The following AGBL1 variants were observed in gnomAD, a reference collection of about 807,000 sequenced individuals.
AGBL1 encodes AGBL carboxypeptidase 1, also known as cytosolic carboxypeptidase 4.
AGBL1 carries 130 observed loss-of-function variants against 118.9 expected under a neutral mutation model. That is an observed-to-expected ratio of 1.09 (90% CI 0.95 to 1.26). AGBL1 has a LOEUF of 1.26. Among genes scored for constraint, AGBL1 ranks in the 50% most tolerant of loss-of-function variants. AGBL1 has a pLI of 0.00. For synonymous variants in AGBL1, 555 were observed against 478.9 expected (o/e 1.16, Z -2.08); for missense variants, 1,584 against 1,298.1 (o/e 1.22, Z -3.38).
At chr15:86,589,047 C>T (rs977399879) in intron 21 of AGBL1, among the ~76,000 whole-genome samples, 21 of 151,742 alleles carry the variant, frequency 1.4e-4, no homozygotes, top group African/African-American at 5.1e-4. Flanking sequence ...ACACTGTGTG[C>T]ATGGACACAG....
chr15:86,810,258 G>A (rs16978013), intron 22 of AGBL1, among the ~76,000 whole-genome samples: 7,559 of 152,200 alleles, frequency 0.05, 631 homozygotes, highest in African/African-American at 0.17. Context: ...TGGGGGTTTG[G>A]CTCAAAGCTA....
At chr15:86,279,862 C>G (rs1251424928) in intron 16 of AGBL1, 79 bp downstream of exon 16, 2 of 1,532,658 alleles carry the variant, frequency 1.3e-6, no homozygotes, top group Non-Finnish European at 1.8e-6. Context: ...TTTGGAGACC[C>G]TGACATCCTG....
intron 21 of AGBL1, among the ~76,000 whole-genome samples, chr15:86,592,969 C>T (rs2084358290): frequency 6.6e-6 from 1 of 152,146 alleles, no homozygotes; most frequent in Admixed American, 6.5e-5. Context: ...TTTCTAACTT[C>T]ATCGTTACTT....
chr15:86,906,350 C>T (rs1185335672), intron 22 of AGBL1, among the ~76,000 whole-genome samples: 1 of 152,238 alleles, frequency 6.6e-6, no homozygotes, highest in East Asian at 1.9e-4. Flanking sequence ...CTGCCCCCTT[C>T]TATCGCTTGC....
At chr15:86,510,450 A>G (rs555765555) in intron 18 of AGBL1, among the ~76,000 whole-genome samples, 86 of 152,254 alleles carry the variant, frequency 5.6e-4, no homozygotes, top group Middle Eastern at 6.8e-3. Context: ...AGGAAAATAA[A>G]TATGGGGTCT....
rs150104785 is a variant in AGBL1, at chr15:86,175,928, T to C, written c.488+16902T>C. Among the ~76,000 whole-genome samples, 8 of 152,350 alleles carry C rather than the reference T, an allele frequency of 5.3e-5. No individual in the cohort carries two copies. In the East Asian group the frequency reaches 1.5e-3, roughly 29 times the overall value. ...AACATATGGTCTGTCCTGGGGAATGTTCCATGTGCTGATGAGAGGAATGTG... is the reference window on the plus strand; with the variant it reads ...AACATATGGTCTGTCCTGGGGAATGCTCCATGTGCTGATGAGAGGAATGTG... On this transcript the variant is annotated intron_variant, in intron 5 of 22. Transcript: ENST00000614907.
At chr15:86,825,703 G>GGGAGAAAGCGAGAGAGGGA (rs2079001194) in intron 22 of AGBL1, among the ~76,000 whole-genome samples, 1 of 145,356 alleles carries the variant, frequency 6.9e-6, no homozygotes, top group African/African-American at 2.6e-5. Flanking sequence ...GAGGGAGGGA[G>GGGAGAAAGCGAGAGAGGGA]GGAGAAAGCG....
At chr15:86,840,548 C>A (rs529626002) in intron 22 of AGBL1, among the ~76,000 whole-genome samples, 1 of 152,140 alleles carries the variant, frequency 6.6e-6, no homozygotes, top group Non-Finnish European at 1.5e-5. Context: ...GTGGTTCAAG[C>A]GATTTCTCCT....
chr15:86,924,909 A>C (rs912031325), intron 23 of AGBL1, among the ~76,000 whole-genome samples: 2 of 151,866 alleles, frequency 1.3e-5, no homozygotes, highest in Admixed American at 1.3e-4. Flanking sequence ...CCCCGTCTCT[A>C]CTAAAAATAC....
chr15:86,303,913 T>C (rs781357699), intron 17 of AGBL1, among the ~76,000 whole-genome samples: 2 of 152,154 alleles, frequency 1.3e-5, no homozygotes, highest in African/African-American at 2.4e-5. Context: ...GTTTAGATGA[T>C]GAAATTGAGA....
At chr15:86,876,164 C>T (rs542147060) in intron 22 of AGBL1, among the ~76,000 whole-genome samples, 1 of 152,246 alleles carries the variant, frequency 6.6e-6, no homozygotes, top group Non-Finnish European at 1.5e-5. Context: ...TAGCTGCCAT[C>T]CTGTATACCA....
At chr15:86,256,552 C>T (rs190041655) in intron 7 of AGBL1, among the ~76,000 whole-genome samples, 146 of 152,280 alleles carry the variant, frequency 9.6e-4, no homozygotes, top group African/African-American at 3.4e-3. Context: ...TTGCCTTAGG[C>T]GCAGCATCCC....
At chr15:87,030,719 T>C (rs1193534037), downstream of AGBL1, among the ~76,000 whole-genome samples, 1 of 152,052 alleles carries the variant, frequency 6.6e-6, no homozygotes, top group Non-Finnish European at 1.5e-5. Flanking sequence ...CTAACTATAT[T>C]GAGCACATTT....
Position 86,258,042 on chromosome 15 carries a change from C to A in AGBL1, c.969+11C>A, listed in dbSNP as rs2078925030. ...GATGGGAAAGTGGAAGTAGGTACACCAGCCCATGCTTCTAATGATGTCCAT... is the reference window on the plus strand; with the variant it reads ...GATGGGAAAGTGGAAGTAGGTACACAAGCCCATGCTTCTAATGATGTCCAT... On this transcript the variant is annotated intron_variant, in intron 9 of 22. Transcript: ENST00000614907. 6.2e-7 allele frequency: 1 copy of A among 1,612,080 alleles called. No homozygotes were observed. Among genetic ancestry groups the A allele is most frequent in the Admixed American group, 1.7e-5 (1 of 59,690 alleles).
chr15:86,976,264 T>G (rs2081175959), intron 23 of AGBL1, among the ~76,000 whole-genome samples: 1 of 150,940 alleles, frequency 6.6e-6, no homozygotes, highest in Admixed American at 6.6e-5. Flanking sequence ...TATATATATG[T>G]GAATATGTAT....
chr15:86,780,239 G>A (rs1464674220), intron 22 of AGBL1, among the ~76,000 whole-genome samples: 1 of 152,100 alleles, frequency 6.6e-6, no homozygotes, highest in African/African-American at 2.4e-5. Flanking sequence ...GGCCACCTTT[G>A]CCTTCACTGC....
At chr15:86,830,694 A>G (rs2079093284) in intron 22 of AGBL1, among the ~76,000 whole-genome samples, 1 of 152,238 alleles carries the variant, frequency 6.6e-6, no homozygotes, top group Non-Finnish European at 1.5e-5. Flanking sequence ...AGCCATTAAT[A>G]GCAGACAGGC....
intron 22 of AGBL1, among the ~76,000 whole-genome samples, chr15:86,791,694 T>G (rs2078495064): frequency 6.6e-6 from 1 of 150,994 alleles, no homozygotes; most frequent in African/African-American, 2.4e-5. Context: ...TGCAATAGTA[T>G]CAGCTGAATT....
At chr15:86,806,698 T>A (rs1596499340) in intron 22 of AGBL1, among the ~76,000 whole-genome samples, 1 of 151,968 alleles carries the variant, frequency 6.6e-6, no homozygotes, top group African/African-American at 2.4e-5. Context: ...AATTTATGTA[T>A]AAAAGCACTC....
Sources: allele counts gnomAD v4.1 joint callset (sites outside exome capture counted in the v4.1 genomes callset), GRCh38; gene constraint gnomAD v4.1.1; transcripts MANE v1.5; gene names NCBI Gene and HGNC (gene_info 2026-07-23, HGNC 2026-07-21).